Variants in ENTPD1 observed in about 807,000 individuals in gnomAD.
The protein encoded by ENTPD1 is ectonucleoside triphosphate diphosphohydrolase 1.
A neutral mutation model predicts 57.0 loss-of-function variants in ENTPD1; 33 were observed. The observed-to-expected ratio is 0.58, with a 90% CI of 0.44 to 0.77. ENTPD1 has a LOEUF of 0.77. Ranked by LOEUF, ENTPD1 falls within the 30% of genes least tolerant of loss-of-function variation. The probability of loss-of-function intolerance (pLI) is 0.00; values close to 1 mark genes in which losing one functional copy is unlikely to be tolerated. For synonymous variants in ENTPD1, 202 were observed against 218.8 expected (o/e 0.92, Z 0.68); for missense variants, 501 against 603.4 (o/e 0.83, Z 1.78).
rs183462794 is a variant in ENTPD1 at position 95,768,970 on chromosome 10, A to G, written c.16+12715A>G. On this transcript the variant is annotated intron_variant, in intron 1 of 9. Transcript: ENST00000371205. Reference sequence around the variant, plus strand: ...TCTAACGTTGATATGGATGGAATGCATAGTCTGCCCATGGCTCCCTTAGGT... The same window carrying G: ...TCTAACGTTGATATGGATGGAATGCGTAGTCTGCCCATGGCTCCCTTAGGT... Among the ~76,000 whole-genome samples the G allele has an allele frequency of 1.9e-3, 291 of 152,374 alleles. 5 individuals carry two copies. Among genetic ancestry groups the G allele is most frequent in the African/African-American group, 6.5e-3 (270 of 41,588 alleles).
At chr10:95,806,897 G>C (rs1182478748) in intron 1 of ENTPD1, among the ~76,000 whole-genome samples, 1 of 152,142 alleles carries the variant, frequency 6.6e-6, no homozygotes, top group East Asian at 1.9e-4. Context: ...CCCAAAAGGG[G>C]ACCCGCCTAT....
chr10:95,811,546 C>G (rs1046167507), intron 1 of ENTPD1, among the ~76,000 whole-genome samples: 3 of 152,160 alleles, frequency 2.0e-5, no homozygotes, highest in African/African-American at 7.2e-5. Context: ...CGCCACCATA[C>G]CTGGATAATT....
rs2098202621 is a variant in ENTPD1 at position 95,791,266 on chromosome 10, A to G, written c.17-31971A>G. On this transcript the variant is annotated intron_variant, in intron 1 of 9. Coordinates refer to ENST00000371205, the MANE Select transcript of ENTPD1 (RefSeq NM_001776.6). This position sits in a 1 kb window ranked among gnomAD's most constrained non-coding sequence, Gnocchi z 4.1. The stretch of plus-strand genomic sequence containing the variant: ...TGCTATATTCAGTTCAGAGCAATGT[A>G]TTTTGAGAAGGACATTACAAACTGA... Among the ~76,000 whole-genome samples, 1 of 152,158 alleles carries G rather than the reference A, an allele frequency of 6.6e-6. No homozygotes were observed. The highest frequency in any genetic ancestry group is 2.4e-5 in the African/African-American group (1 of 41,446).
chr10:95,745,650 G>A (rs1460476311), intron 1 of ENTPD1, among the ~76,000 whole-genome samples: 1 of 152,226 alleles, frequency 6.6e-6, no homozygotes, highest in African/African-American at 2.4e-5. Context: ...GAGAGAGGAA[G>A]TAGTTATAGC....
At chr10:95,770,256 AGTGTGT>A (rs1555282687) in intron 1 of ENTPD1, among the ~76,000 whole-genome samples, 2 of 135,008 alleles carry the variant, frequency 1.5e-5, no homozygotes, top group African/African-American at 2.7e-5. Context: ...TGAGTGAGTG[AGTGTGT>A]GTGTGTGTGT....
the ENTPD1 span, among the ~76,000 whole-genome samples, chr10:95,697,614 G>A: frequency 6.6e-6 from 1 of 152,102 alleles, no homozygotes; most frequent in African/African-American, 2.4e-5. Context: ...ACAAGAAGAG[G>A]AACAGAGACC....
chr10:95,734,948 G>A (rs2097992980), intron 1 of ENTPD1, among the ~76,000 whole-genome samples: 1 of 151,896 alleles, frequency 6.6e-6, no homozygotes, highest in African/African-American at 2.4e-5. Flanking sequence ...AGAAATTACA[G>A]TTGGGTGGGT....
rs552347844 is a variant in ENTPD1 at position 95,764,175 on chromosome 10, G to A, written c.16+7920G>A. ...ATTTCCTCCCTACATGGCCCCCACC[G>A]TTCTGAGTCCTAGGAAAACACCAAT... is the stretch of plus-strand genomic sequence containing the variant. On this transcript the variant is annotated intron_variant, in intron 1 of 9. Transcript: ENST00000371205. Among the ~76,000 whole-genome samples, 12 of 152,202 alleles carry A rather than the reference G, an allele frequency of 7.9e-5. No homozygotes were observed. The South Asian group carries it at 1.7e-3, about 21-fold the overall frequency.
intron 1 of ENTPD1, among the ~76,000 whole-genome samples, chr10:95,743,426 G>T (rs940042001): frequency 6.6e-6 from 1 of 152,082 alleles, no homozygotes; most frequent in Non-Finnish European, 1.5e-5. Context: ...TTTCTCTGCT[G>T]CACTCTTTGG....
chr10:95,781,602 A>G (rs2098158444), intron 1 of ENTPD1, among the ~76,000 whole-genome samples: 1 of 152,208 alleles, frequency 6.6e-6, no homozygotes, highest in Non-Finnish European at 1.5e-5. Context: ...AAATAAAAAA[A>G]TAAAAATAAA....
At chr10:95,779,547 A>C (rs2098148059) in intron 1 of ENTPD1, among the ~76,000 whole-genome samples, 1 of 152,170 alleles carries the variant, frequency 6.6e-6, no homozygotes, top group Non-Finnish European at 1.5e-5. Context: ...CATGTGCTGC[A>C]ACTTCTTTTC....
intron 1 of ENTPD1, among the ~76,000 whole-genome samples, chr10:95,758,857 C>G (rs542117297): frequency 6.6e-6 from 1 of 152,306 alleles, no homozygotes; most frequent in South Asian, 2.1e-4. Flanking sequence ...TGTCATTCAG[C>G]AACCAATGGT....
chr10:95,833,119 C>T lies in ENTPD1; in HGVS notation c.145-6572C>T, dbSNP rs192648511. 6.6e-5 allele frequency among the ~76,000 whole-genome samples: 10 copies of T among 152,284 alleles called. No individual in the cohort carries two copies. In the East Asian group the frequency reaches 1.3e-3, roughly 21 times the overall value. ...AAAGATTTGCTCTGATTTCCAACCT[C>T]GAATACTCTTGGAAAATATCTGTAT... On this transcript the variant is annotated intron_variant, in intron 2 of 9. Coordinates refer to ENST00000371205, the MANE Select transcript of ENTPD1 (RefSeq NM_001776.6).
intron 1 of ENTPD1, among the ~76,000 whole-genome samples, chr10:95,726,780 T>C (rs1256027037): frequency 6.6e-6 from 1 of 152,188 alleles, no homozygotes; most frequent in Non-Finnish European, 1.5e-5. Flanking sequence ...CTGAGAGGGT[T>C]CACTCAGTTT....
At chr10:95,786,192 C>G (rs980548160) in intron 1 of ENTPD1, among the ~76,000 whole-genome samples, 2 of 152,216 alleles carry the variant, frequency 1.3e-5, no homozygotes, top group African/African-American at 4.8e-5. Context: ...GTTTGCCCCT[C>G]CCCTTCCCAT....
rs188188039 is a variant in ENTPD1 at position 95,763,923 on chromosome 10, A to G, written c.16+7668A>G. 3.4e-3 allele frequency among the ~76,000 whole-genome samples: 516 copies of G among 152,320 alleles called. 2 individuals carry two copies. The highest frequency in any genetic ancestry group is 0.012 in the African/African-American group (487 of 41,568). On this transcript the variant is annotated intron_variant, in intron 1 of 9. Coordinates refer to ENST00000371205, the MANE Select transcript of ENTPD1 (RefSeq NM_001776.6). Reference sequence around the variant, plus strand: ...GTATTATTTACTGTTAAATAACTCAATTGTTAAAGTCTCTCAGTTGGTAAG... The same window carrying G: ...GTATTATTTACTGTTAAATAACTCAGTTGTTAAAGTCTCTCAGTTGGTAAG...
chr10:95,720,765 G>A (rs2097976564), intron 1 of ENTPD1, among the ~76,000 whole-genome samples: 1 of 152,196 alleles, frequency 6.6e-6, no homozygotes, highest in Non-Finnish European at 1.5e-5. Flanking sequence ...GGACGAGGGG[G>A]CAGCTTATTT....
chr10:95,844,542 C>T lies in ENTPD1; in HGVS notation c.480C>T (p.Pro160=), dbSNP rs781482246. The T allele has an allele frequency of 1.1e-5, 17 of 1,614,098 alleles. No homozygotes were observed. Among genetic ancestry groups the T allele is most frequent in the African/African-American group, 1.3e-5 (1 of 74,936 alleles). ...DVVERSLSNY[P]FDFQGARIIT... is the part of the protein sequence containing the mutation. The stretch of plus-strand genomic sequence containing the variant: ...TGGAGAGGAGCCTCAGCAACTACCC[C>T]TTTGACTTCCAGGGTGCCAGGATCA... The change falls in exon 5 of 10, where the codon CCC becomes CCT. Residue 160 remains proline, a synonymous_variant. Transcript: ENST00000371205.
chr10:95,810,336 G>A (rs962342249), intron 1 of ENTPD1, among the ~76,000 whole-genome samples: 2 of 149,690 alleles, frequency 1.3e-5, no homozygotes, highest in African/African-American at 5.0e-5. Flanking sequence ...CCCAGATGGG[G>A]CGGCTGGGCA....
Sources: allele counts gnomAD v4.1 joint callset (sites outside exome capture counted in the v4.1 genomes callset), GRCh38; gene constraint gnomAD v4.1.1; non-coding constraint Gnocchi (gnomAD v3.1); transcripts MANE v1.5; gene names NCBI Gene and HGNC (gene_info 2026-07-23, HGNC 2026-07-21).